Variants in TMOD3 observed in about 807,000 individuals in gnomAD.
TMOD3 encodes tropomodulin-3.
In TMOD3, 20 loss-of-function variants were observed where a neutral mutation model predicts 39.2. The observed-to-expected ratio is 0.51, with a 90% CI of 0.36 to 0.74. The LOEUF is 0.74. TMOD3 is among the 30% of genes least tolerant of loss of function. The probability of loss-of-function intolerance (pLI) is 0.00; values close to 1 mark genes in which losing one functional copy is unlikely to be tolerated. For missense variants in TMOD3, 381 were observed against 412.8 expected (o/e 0.92, Z 0.67); for synonymous variants, 143 against 145.8 (o/e 0.98, Z 0.14).
At chr15:51,892,169 A>G (rs2623268) in intron 5 of TMOD3, among the ~76,000 whole-genome samples, 7,826 of 152,270 alleles carry the variant, frequency 0.051, 473 homozygotes, top group African/African-American at 0.13. Context: ...TGCTGCTAAA[A>G]TCTAGAGGAA....
At position 51,915,401 on chromosome 15, in the gene TMOD3, T is replaced by C. The variant is rs2056728705; in HGVS notation, c.*6591T>C. On this transcript the variant is annotated 3_prime_UTR_variant, in exon 10 of 10. Transcript: ENST00000308580. ...TTTTTCAGTTTTTTGGATGAATTAT[T>C]ATATTTGGTTTTAGTTACATTTAAA... 1 of 152,196 alleles carries C rather than the reference T, an allele frequency of 6.6e-6. No homozygotes were observed. Among genetic ancestry groups the C allele is most frequent in the Non-Finnish European group, 1.5e-5 (1 of 68,044 alleles). The allele number at this position is 152,196 out of a possible 1,614,324, so 9.4% of individuals were successfully genotyped here. A position where few individuals can be genotyped will look rare whatever the true frequency, so the allele number is the denominator to read the frequency against.
intron 7 of TMOD3, among the ~76,000 whole-genome samples, chr15:51,897,421 G>A (rs1452448640): frequency 1.4e-5 from 2 of 143,910 alleles, no homozygotes; most frequent in African/African-American, 5.2e-5. Flanking sequence ...TTTCTCTGCT[G>A]TTTTCTATCT....
intron 3 of TMOD3, among the ~76,000 whole-genome samples, chr15:51,885,417 C>T (rs981809957): frequency 3.3e-5 from 5 of 151,760 alleles, no homozygotes; most frequent in African/African-American, 9.7e-5. Flanking sequence ...CTCTGGTTTT[C>T]CTAGGCAGAG....
chr15:51,830,906 C>G (rs896151451), intron 1 of TMOD3, among the ~76,000 whole-genome samples: 3 of 152,130 alleles, frequency 2.0e-5, no homozygotes, highest in Non-Finnish European at 4.4e-5. Context: ...GTTACAGTCC[C>G]CTTTCTTACA....
intron 1 of TMOD3, among the ~76,000 whole-genome samples, chr15:51,849,352 C>T (rs2056350235): frequency 6.6e-6 from 1 of 152,122 alleles, no homozygotes; most frequent in South Asian, 2.1e-4. Flanking sequence ...GGAGATTTTA[C>T]ATGGATAGTT....
intron 1 of TMOD3, chr15:51,859,498 T>C: frequency 1.5e-6 from 1 of 645,780 alleles, no homozygotes; most frequent in South Asian, 1.4e-5. Flanking sequence ...TACACAGCTC[T>C]GGCTTTTTTG....
intron 9 of TMOD3, among the ~76,000 whole-genome samples, chr15:51,902,517 C>T (rs2056656371): frequency 1.3e-5 from 2 of 152,124 alleles, no homozygotes; most frequent in Admixed American, 6.5e-5. Flanking sequence ...TGTTGCGAGG[C>T]AGGAGTGCAG....
At chr15:51,869,184 T>C (rs34475710) in intron 2 of TMOD3, 33 bp from the exon 3 acceptor site, 166 of 1,602,444 alleles carry the variant, frequency 1.0e-4, no homozygotes, top group Non-Finnish European at 1.4e-4. Context: ...GCATTCTTAT[T>C]GGTCATATTG....
At chr15:51,847,847 C>T (rs533611496) in intron 1 of TMOD3, among the ~76,000 whole-genome samples, 52 of 152,202 alleles carry the variant, frequency 3.4e-4, no homozygotes, top group African/African-American at 1.2e-3. Context: ...GTGCTTTGAG[C>T]GTGGTGGGTA....
At chr15:51,906,148 G>A (rs1263683963) in intron 9 of TMOD3, among the ~76,000 whole-genome samples, 1 of 152,058 alleles carries the variant, frequency 6.6e-6, no homozygotes, top group Admixed American at 6.6e-5. Context: ...CACAGCGGCA[G>A]CAACCTCTCA....
chr15:51,838,797 T>C (rs1567259572), intron 1 of TMOD3, among the ~76,000 whole-genome samples: 1 of 152,136 alleles, frequency 6.6e-6, no homozygotes, highest in Non-Finnish European at 1.5e-5. Context: ...TAGCTTCAGC[T>C]TCAAGGTGAC....
intron 6 of TMOD3, 28 bp downstream of exon 6, chr15:51,893,973 T>C (rs1345234395): frequency 1.3e-6 from 2 of 1,523,906 alleles, no homozygotes; most frequent in Non-Finnish European, 1.8e-6. Context: ...AGTGGTTTTG[T>C]ATTGCTTTGA....
chr15:51,860,452 A>T, intron 1 of TMOD3: 1 of 564,536 alleles, frequency 1.8e-6, no homozygotes, highest in Admixed American at 1.9e-5. Context: ...TAGTCTTGAT[A>T]AAGTTTTGGG....
At chr15:51,901,140 A>G (rs1227278412) in intron 8 of TMOD3, 3 of 152,226 alleles carry the variant, frequency 2.0e-5, no homozygotes, top group Non-Finnish European at 2.9e-5. Context: ...CACCTGGCAT[A>G]ATGTTCTGGA....
chr15:51,898,969 T>C (rs1242261549), intron 7 of TMOD3: 6 of 152,212 alleles, frequency 3.9e-5, no homozygotes, highest in Non-Finnish European at 8.8e-5. Context: ...AACACTGTAC[T>C]GTATCCTATG....
intron 1 of TMOD3, among the ~76,000 whole-genome samples, chr15:51,830,750 T>A (rs1358404303): frequency 1.3e-5 from 2 of 152,184 alleles, no homozygotes; most frequent in African/African-American, 2.4e-5. Flanking sequence ...AACCTTCAGA[T>A]TAATTTTTTT....
In TMOD3 at chr15:51,843,260, G is replaced by T. The variant is rs186861470; in HGVS notation, c.-75+13424G>T. Among the ~76,000 whole-genome samples, 30 of 152,334 alleles carry T rather than the reference G, an allele frequency of 2.0e-4. No individual in the cohort carries two copies. The East Asian group carries it at 5.8e-3, about 29-fold the overall frequency. ...TGGGGTAAAAAGGATTGTTTAAGAA[G>T]AGTGACATCATTGTGGGAAACAAAT... On this transcript the variant is annotated intron_variant, in intron 1 of 9. Coordinates refer to ENST00000308580, the MANE Select transcript of TMOD3 (RefSeq NM_014547.5).
At chr15:51,869,532 C>T (rs141293468) in intron 3 of TMOD3, among the ~76,000 whole-genome samples, 159 bp downstream of exon 3, 1 of 152,312 alleles carries the variant, frequency 6.6e-6, no homozygotes, top group African/African-American at 2.4e-5. Context: ...ACTTTATTTA[C>T]ATTTTTCATC....
In TMOD3 at chr15:51,848,650, A is replaced by G. The variant is rs1019572242; in HGVS notation, c.-74-14161A>G. Among the ~76,000 whole-genome samples, 9 of 152,358 alleles carry G rather than the reference A, an allele frequency of 5.9e-5. 1 individual carries two copies. The South Asian group carries it at 6.2e-4, about 11-fold the overall frequency. ...GGCTAGTGAACCGTATCTACTTCAA[A>G]AGTTTACATGGATATTCATCCAAAG... On this transcript the variant is annotated intron_variant, in intron 1 of 9. Transcript: ENST00000308580.
Sources: gnomAD v4.1 joint callset for allele counts (sites outside exome capture counted in the v4.1 genomes callset) on GRCh38, gnomAD v4.1.1 for gene constraint, MANE v1.5 for transcripts, NCBI Gene and HGNC (gene_info 2026-07-23, HGNC 2026-07-21) for gene names.